MKI67: variants seen among roughly 807,000 people sequenced by gnomAD.
The protein encoded by MKI67 is proliferation marker protein Ki-67.
In MKI67, 152 loss-of-function variants were observed where a neutral mutation model predicts 233.5. The ratio of observed to expected loss-of-function variants is 0.65; its 90% CI spans 0.57 to 0.74. MKI67 has a LOEUF of 0.74. Ranked by LOEUF, MKI67 falls within the 30% of genes least tolerant of loss-of-function variation. MKI67 has a pLI of 0.00. For missense variants in MKI67, 3,940 were observed against 3,885.2 expected (o/e 1.01, Z -0.37); for synonymous variants, 1,465 against 1,418.5 (o/e 1.03, Z -0.74).
At chr10:128,116,195 CA>C (rs1033526882) in intron 6 of MKI67, among the ~76,000 whole-genome samples, 188 bp from the exon 7 acceptor site, 1 of 152,214 alleles carries the variant, frequency 6.6e-6, no homozygotes. Context: ...ATATATAAAT[CA>C]TATCAGCTCC....
intron 7 of MKI67, among the ~76,000 whole-genome samples, 157 bp downstream of exon 7, chr10:128,114,771 T>C (rs1358300923): frequency 6.6e-6 from 1 of 152,258 alleles, no homozygotes; most frequent in Non-Finnish European, 1.5e-5. Flanking sequence ...TATTCATCTA[T>C]TAGCGAAAAC....
Position 128,101,541 on chromosome 10 carries a change from C to CG in MKI67, c.9421dup (p.Arg3141ProfsTer6). The stretch of plus-strand genomic sequence containing the variant: ...GACTTTGTCTCTAGGTATGGGTTTC[C>CG]GGGCTCCATCATCTGGATTCTGAAT... On this transcript the variant is annotated frameshift_variant, in exon 14 of 15. Transcript: ENST00000368654. LOFTEE classifies it high-confidence loss of function. 1 of 1,614,218 alleles carries CG rather than the reference C, an allele frequency of 6.2e-7. No individual in the cohort carries two copies. The highest frequency in any genetic ancestry group is 8.5e-7 in the Non-Finnish European group (1 of 1,180,044).
chr10:128,105,695 T>A lies in MKI67; in HGVS notation c.6145A>T (p.Met2049Leu). 1 of 1,614,154 alleles carries A rather than the reference T, an allele frequency of 6.2e-7. No homozygotes were observed. Residue 2049 changes from methionine to leucine, a missense_variant, in exon 13 of 15, where the codon ATG becomes TTG. Coordinates refer to ENST00000368654, the MANE Select transcript of MKI67 (RefSeq NM_002417.5). Reference protein sequence around the residue: ...IKAFKESAKQMLDPANYGTGM... With the variant: ...IKAFKESAKQLLDPANYGTGM... Reference sequence around the variant, plus strand: ...GTTCCATAGTTTGCTGGGTCCAGCATCTGCTTTGCAGATTCCTTAAACGCT... The same window carrying A: ...GTTCCATAGTTTGCTGGGTCCAGCAACTGCTTTGCAGATTCCTTAAACGCT...
rs753414992 is a variant in MKI67 at position 128,106,757 on chromosome 10, T to A, written c.5083A>T (p.Arg1695Trp). 8 of 1,614,038 alleles carry A rather than the reference T, an allele frequency of 5.0e-6. No individual in the cohort carries two copies. In the South Asian group the frequency reaches 8.8e-5, roughly 18 times the overall value. ...TTTCCCTTAGGAGTTCTCAGCTGCCTCTTGCTGCCAGTTAGACTTGCTGCT... is the reference window on the plus strand; with the variant it reads ...TTTCCCTTAGGAGTTCTCAGCTGCCACTTGCTGCCAGTTAGACTTGCTGCT... ...DSAASLTGSK[R>W]QLRTPKGKSE... is the part of the protein sequence containing the mutation. Residue 1695 changes from arginine (R) to tryptophan (W), a missense_variant, in exon 13 of 15, where the codon AGG becomes TGG. Physicochemically the swap from Arg to Trp is moderately radical, Grantham distance 101. Coordinates refer to ENST00000368654, the MANE Select transcript of MKI67 (RefSeq NM_002417.5).
chr10:128,110,305 A>T, intron 12 of MKI67, 73 bp downstream of exon 12: 2 of 1,222,054 alleles, frequency 1.6e-6, no homozygotes, highest in Non-Finnish European at 2.2e-6. Flanking sequence ...GTAATATCAT[A>T]CTGCTTGTAA....
At position 128,112,318 on chromosome 10, in the gene MKI67, C is replaced by T. The variant is rs769057426; in HGVS notation, c.1784G>A (p.Arg595His). 6 of 1,614,070 alleles carry T rather than the reference C, an allele frequency of 3.7e-6. No individual in the cohort carries two copies. Among genetic ancestry groups the T allele is most frequent in the South Asian group, 2.2e-5 (2 of 91,090 alleles). The change falls in exon 9 of 15, where the codon CGC becomes CAC. Residue 595 changes from arginine to histidine, a missense_variant. Arg to His is a conservative substitution (Grantham distance 29, BLOSUM62 0). Coordinates refer to ENST00000368654, the MANE Select transcript of MKI67 (RefSeq NM_002417.5). Reference protein sequence around the residue: ...PRKTPVASDQRRRSCKTAPAS... With the variant: ...PRKTPVASDQHRRSCKTAPAS... ...AGGGGCTGTTTTGCAGGACCTACGG[C>T]GTTGATCACTGGCAACTGGAGTTTT... is the stretch of plus-strand genomic sequence containing the variant.
At position 128,102,697 on chromosome 10, in the gene MKI67, A is replaced by G. The variant is rs778483748; in HGVS notation, c.9143T>C (p.Met3048Thr). The G allele has an allele frequency of 1.2e-6, 2 of 1,614,174 alleles. No homozygotes were observed. Among genetic ancestry groups the G allele is most frequent in the Non-Finnish European group, 1.7e-6 (2 of 1,180,026 alleles). ...TGCAGAAGTCCTCAAACTTCTCTTC[A>G]TGATGACCACGGGTTCGGATGATTT... is the stretch of plus-strand genomic sequence containing the variant. ...RGKSSEPVVIMKRSLRTSAKR... is the reference protein window; with the variant it reads ...RGKSSEPVVITKRSLRTSAKR... Residue 3048 changes from methionine to threonine, a missense_variant, in exon 13 of 15, where the codon ATG becomes ACG. Transcript: ENST00000368654.
Position 128,105,367 on chromosome 10 carries a change from T to C in MKI67, c.6473A>G (p.Asn2158Ser), listed in dbSNP as rs1449824008. ...CTGTTTTGCAGTTTCCCTGAACACGTTGATGCCTTTATCCTCATCTCCTGG... is the reference window on the plus strand; with the variant it reads ...CTGTTTTGCAGTTTCCCTGAACACGCTGATGCCTTTATCCTCATCTCCTGG... ...KVPGDEDKGINVFRETAKQKL... is the reference protein window; with the variant it reads ...KVPGDEDKGISVFRETAKQKL... Residue 2158 changes from asparagine (N) to serine (S), a missense_variant, in exon 13 of 15, where the codon AAC becomes AGC. Coordinates refer to ENST00000368654, the MANE Select transcript of MKI67 (RefSeq NM_002417.5). The C allele has an allele frequency of 1.9e-6, 3 of 1,614,210 alleles. No homozygotes were observed. The highest frequency in any genetic ancestry group is 3.3e-5 in the Admixed American group (2 of 60,028).
rs140448297 is a variant in MKI67, at chr10:128,105,878, G to A, written c.5962C>T (p.Pro1988Ser). 1.9e-6 allele frequency: 3 copies of A among 1,613,110 alleles called. No individual in the cohort carries two copies. The highest frequency in any genetic ancestry group is 8.5e-7 in the Non-Finnish European group (1 of 1,179,842). ...EVSCKSPQPD[P>S]VKTPTSSKQR... ...TTGGAGCTTGTTGGGGTTTTGACTG[G>A]GTCTGGTTGTGGAGATTTGCAGGAT... Residue 1988 changes from proline (P) to serine (S), a missense_variant, in exon 13 of 15, where the codon CCA becomes TCA. By Grantham distance (74) the Pro-to-Ser change is moderately conservative (BLOSUM62 -1). Coordinates refer to ENST00000368654, the MANE Select transcript of MKI67 (RefSeq NM_002417.5).
chr10:128,104,180 G>C lies in MKI67; in HGVS notation c.7660C>G (p.Arg2554Gly). 6.2e-7 allele frequency: 1 copy of C among 1,613,648 alleles called. No homozygotes were observed. The highest frequency in any genetic ancestry group is 8.5e-7 in the Non-Finnish European group (1 of 1,179,924). ...AAGTCAACCAGGTCTTCTAGAGCAC[G>C]GGCCTTTTCCTTACGAGTTCTCAGC... The part of the protein sequence containing the change: ...RQLRTRKEKA[R>G]ALEDLVDFKE... The change falls in exon 13 of 15, where the codon CGT becomes GGT. Residue 2554 changes from arginine to glycine, a missense_variant. Transcript: ENST00000368654.
intron 14 of MKI67, among the ~76,000 whole-genome samples, chr10:128,100,205 G>A (rs900448329): frequency 7.2e-5 from 11 of 152,154 alleles, no homozygotes; most frequent in African/African-American, 2.7e-4. Context: ...ACACCTGTGT[G>A]GGCATCAGTG....
intron 3 of MKI67, 44 bp from the exon 4 acceptor site, chr10:128,123,040 T>C (rs1262436257): frequency 1.9e-6 from 3 of 1,580,250 alleles, no homozygotes; most frequent in Admixed American, 3.3e-5. Flanking sequence ...ATGAACAGAT[T>C]AAAAGTGAAC....
chr10:128,115,495 C>A lies in MKI67; in HGVS notation c.913G>T (p.Glu305Ter). 2 of 1,614,162 alleles carry A rather than the reference C, an allele frequency of 1.2e-6. No individual in the cohort carries two copies. Among genetic ancestry groups the A allele is most frequent in the Non-Finnish European group, 1.7e-6 (2 of 1,180,024 alleles). Residue 305 changes from glutamate to a stop codon, truncating the protein, a stop_gained, in exon 7 of 15, where the codon GAG becomes TAG. Coordinates refer to ENST00000368654, the MANE Select transcript of MKI67 (RefSeq NM_002417.5). LOFTEE classifies it high-confidence loss of function. Reference sequence around the variant, plus strand: ...AGCTCTTGTTCAGGTGAAGCAGGCTCTGCCACAGCGTGGCCGCTCCCACCA... The same window carrying A: ...AGCTCTTGTTCAGGTGAAGCAGGCTATGCCACAGCGTGGCCGCTCCCACCA... ...KSGGSGHAVA[E>*]PASPEQELDQ...
chr10:128,106,644 AGTT>A lies in MKI67; in HGVS notation c.5193_5195del (p.Lys1731_Thr1732delinsAsn), dbSNP rs778968460. On this transcript the variant is annotated inframe_deletion, in exon 13 of 15. Coordinates refer to ENST00000368654, the MANE Select transcript of MKI67 (RefSeq NM_002417.5). Reference sequence around the variant, plus strand: ...GTGAAGCTCTGTAGGATACTTTGGTAGTTTTTTCGTTAGTCATTGATTCCTTAG... The same window carrying A: ...GTGAAGCTCTGTAGGATACTTTGGTATTTTCGTTAGTCATTGATTCCTTAG... 6.2e-7 allele frequency: 1 copy of A among 1,613,962 alleles called. No individual in the cohort carries two copies. Among genetic ancestry groups the A allele is most frequent in the Admixed American group, 1.7e-5 (1 of 59,986 alleles).
intron 5 of MKI67, among the ~76,000 whole-genome samples, 181 bp downstream of exon 5, chr10:128,119,072 T>C (rs956758198): frequency 1.5e-4 from 23 of 152,212 alleles, no homozygotes; most frequent in African/African-American, 5.3e-4. Context: ...AGAGGAAATA[T>C]CATTTTAGAT....
chr10:128,102,869 G>A lies in MKI67; in HGVS notation c.8971C>T (p.Leu2991=). 1 of 1,614,188 alleles carries A rather than the reference G, an allele frequency of 6.2e-7. No individual in the cohort carries two copies. Among genetic ancestry groups the A allele is most frequent in the Non-Finnish European group, 8.5e-7 (1 of 1,180,042 alleles). The change falls in exon 13 of 15, where the codon CTG becomes TTG. Residue 2991 remains leucine, a synonymous_variant. Transcript: ENST00000368654. ...CCCCTCTTGAAGGGCAGTGGGGGCA[G>A]GGAAGTGTTGCTTTTGCTTTGTGAT... is the stretch of plus-strand genomic sequence containing the variant. ...VKSQSKSNTS[L]PPLPFKRGGG...
At chr10:128,121,504 CAT>C (rs1852942195) in intron 4 of MKI67, among the ~76,000 whole-genome samples, 1 of 100,678 alleles carries the variant, frequency 9.9e-6, no homozygotes, top group African/African-American at 4.1e-5. Flanking sequence ...TACTATATAA[CAT>C]ATAGTATATA....
rs1852566872 is a variant in MKI67, at chr10:128,108,185, G to C, written c.3655C>G (p.Gln1219Glu). ...RQLQTPKEKAQALEDLAGFKE... is the reference protein window; with the variant it reads ...RQLQTPKEKAEALEDLAGFKE... ...AAGCCAGCCAGGTCTTCTAGAGCCT[G>C]GGCCTTTTCCTTAGGAGTCTGTAGC... is the stretch of plus-strand genomic sequence containing the variant. Residue 1219 changes from glutamine to glutamate, a missense_variant, in exon 13 of 15, where the codon CAG becomes GAG. Transcript: ENST00000368654. 6 of 1,613,636 alleles carry C rather than the reference G, an allele frequency of 3.7e-6. No homozygotes were observed. Among genetic ancestry groups the C allele is most frequent in the Non-Finnish European group, 5.1e-6 (6 of 1,179,886 alleles).
Position 128,115,635 on chromosome 10 carries a change from A to C in MKI67, c.773T>G (p.Leu258Arg). The change falls in exon 7 of 15, where the codon CTA becomes CGA. Residue 258 changes from leucine to arginine, a missense_variant. By Grantham distance (102) the Leu-to-Arg change is moderately radical (BLOSUM62 -2). Coordinates refer to ENST00000368654, the MANE Select transcript of MKI67 (RefSeq NM_002417.5). ...TAATCCAGATTTTCTACAATACTGT[A>C]GGACATTTTCTTTTTGTGATTTTAC... ...LDVKSQKENV[L>R]QYCRKSGLQT... The C allele has an allele frequency of 6.2e-7, 1 of 1,613,856 alleles. No homozygotes were observed. Among genetic ancestry groups the C allele is most frequent in the African/African-American group, 1.3e-5 (1 of 74,996 alleles).
Sources: allele counts gnomAD v4.1 joint callset (sites outside exome capture counted in the v4.1 genomes callset), GRCh38; gene constraint gnomAD v4.1.1; transcripts MANE v1.5; gene names NCBI Gene and HGNC (gene_info 2026-07-23, HGNC 2026-07-21).